Variants in TICRR observed in about 807,000 individuals in gnomAD.
TICRR encodes treslin.
TICRR carries 132 observed loss-of-function variants against 178.1 expected under a neutral mutation model. That is an observed-to-expected ratio of 0.74 (90% CI 0.64 to 0.86). TICRR has a LOEUF of 0.86. TICRR is among the 40% of genes least tolerant of loss of function. The probability of loss-of-function intolerance (pLI) is 0.00; values close to 1 mark genes in which losing one functional copy is unlikely to be tolerated. For missense variants in TICRR, 2,587 were observed against 2,334.3 expected, an observed-to-expected ratio of 1.11 and a Z score of -2.23; for synonymous variants, 991 against 900.7, an observed-to-expected ratio of 1.10 and a Z score of -1.79.
At chr15:89,588,452 G>T (rs1962857299) in intron 4 of TICRR, among the ~76,000 whole-genome samples, 1 of 152,166 alleles carries the variant, frequency 6.6e-6, no homozygotes, top group African/African-American at 2.4e-5. Flanking sequence ...AACAGGAAGA[G>T]ATTACAGGAT....
At chr15:89,612,516 T>C (rs78861523) in intron 15 of TICRR, among the ~76,000 whole-genome samples, 1 of 152,190 alleles carries the variant, frequency 6.6e-6, no homozygotes, top group Non-Finnish European at 1.5e-5. Context: ...GCTATCCCAA[T>C]AGCTACAGCA....
Position 89,624,042 on chromosome 15 carries a change from C to G in TICRR, c.3732C>G (p.Ile1244Met). The change falls in exon 20 of 22, where the codon ATC becomes ATG. Residue 1244 changes from isoleucine to methionine, a missense_variant. Transcript: ENST00000268138. ...CCAGGAGAGAGTGTCTCACTCCCAT[C>G]AGAGACCCTCTCAGAACACCTCCGA... ...AQPRRECLTP[I>M]RDPLRTPPRA... is the part of the protein sequence containing the mutation. 6.2e-7 allele frequency: 1 copy of G among 1,614,076 alleles called. No homozygotes were observed. Among genetic ancestry groups the G allele is most frequent in the Non-Finnish European group, 8.5e-7 (1 of 1,180,026 alleles).
At chr15:89,590,597 A>T (rs536869435) in intron 4 of TICRR, among the ~76,000 whole-genome samples, 4 of 152,202 alleles carry the variant, frequency 2.6e-5, no homozygotes, top group African/African-American at 9.6e-5. Context: ...ACCATGCTCC[A>T]TCTGGGTGAG....
intron 4 of TICRR, among the ~76,000 whole-genome samples, chr15:89,587,047 T>G (rs925742153): frequency 3.9e-5 from 6 of 151,970 alleles, no homozygotes; most frequent in Non-Finnish European, 5.9e-5. Context: ...CAAGAGATGG[T>G]GGGAAATGTA....
intron 1 of TICRR, among the ~76,000 whole-genome samples, chr15:89,580,518 G>A (rs1034675174): frequency 1.3e-5 from 2 of 152,164 alleles, no homozygotes; most frequent in Non-Finnish European, 2.9e-5. Context: ...TACATGGGTG[G>A]TAACATCACA....
At position 89,585,818 on chromosome 15, in the gene TICRR, T is replaced by C; in HGVS notation, c.1287T>C (p.Phe429=). 1 of 1,614,180 alleles carries C rather than the reference T, an allele frequency of 6.2e-7. No homozygotes were observed. The highest frequency in any genetic ancestry group is 8.5e-7 in the Non-Finnish European group (1 of 1,180,030). ...LTVCRTKEAE[F]QRHVLQTAVA... ...TGTGCCGCACCAAGGAGGCTGAATTTCAACGACATGTTCTCCAAACAGCTG... is the reference window on the plus strand; with the variant it reads ...TGTGCCGCACCAAGGAGGCTGAATTCCAACGACATGTTCTCCAAACAGCTG... The change falls in exon 4 of 22, where the codon TTT becomes TTC. Residue 429 remains phenylalanine (F), a synonymous_variant. Coordinates refer to ENST00000268138, the MANE Select transcript of TICRR (RefSeq NM_152259.4).
At chr15:89,577,278 AAAGTCTTAAATGGCT>A in intron 1 of TICRR, among the ~76,000 whole-genome samples, 1 of 151,714 alleles carries the variant, frequency 6.6e-6, no homozygotes, top group Non-Finnish European at 1.5e-5. Context: ...TTGCAAACTT[AAAGTCTTAAATGGCT>A]AATTTGGATT....
intron 13 of TICRR, among the ~76,000 whole-genome samples, chr15:89,605,512 A>ACCACGC (rs1963161841): frequency 6.6e-6 from 1 of 152,078 alleles, no homozygotes. Context: ...GGCGTGCACC[A>ACCACGC]CCACGCCTGG....
rs1340404101 is a variant in TICRR, at chr15:89,616,484, A to G, written c.2949A>G (p.Gln983=). ...KQISKRLLHR[Q]IKGRSSDPGP... is the part of the protein sequence containing the mutation. ...TCTCCAAAAGGCTGCTGCACAGACA[A>G]ATCAAGGGCAGGTGAGTGACATCCC... The change falls in exon 16 of 22, where the codon CAA becomes CAG. Residue 983 remains glutamine, a synonymous_variant. Coordinates refer to ENST00000268138, the MANE Select transcript of TICRR (RefSeq NM_152259.4). 1 of 1,613,760 alleles carries G rather than the reference A, an allele frequency of 6.2e-7. No homozygotes were observed. Among genetic ancestry groups the G allele is most frequent in the Non-Finnish European group, 8.5e-7 (1 of 1,179,844 alleles).
At chr15:89,577,086 A>G (rs1368383048) in intron 1 of TICRR, among the ~76,000 whole-genome samples, 1 of 151,502 alleles carries the variant, frequency 6.6e-6, no homozygotes, top group East Asian at 1.9e-4. Flanking sequence ...AGTGGAGACC[A>G]GGTTCCATGC....
In TICRR at chr15:89,599,409, A is replaced by C. The variant is rs750564968; in HGVS notation, c.1986A>C (p.Ala662=). The change falls in exon 8 of 22, where the codon GCA becomes GCC. Residue 662 remains alanine (A), a synonymous_variant. Coordinates refer to ENST00000268138, the MANE Select transcript of TICRR (RefSeq NM_152259.4). ...TVATGEIMLY[A]CARNMISTVK... ...CCACAGGAGAAATCATGTTGTATGC[A>C]TGTGCTCGAAACATGATCTCAACCG... The C allele has an allele frequency of 6.2e-7, 1 of 1,613,814 alleles. No individual in the cohort carries two copies. Among genetic ancestry groups the C allele is most frequent in the Non-Finnish European group, 8.5e-7 (1 of 1,179,962 alleles).
intron 4 of TICRR, 28 bp downstream of exon 4, chr15:89,585,970 A>C: frequency 6.3e-7 from 1 of 1,586,104 alleles, no homozygotes; most frequent in Non-Finnish European, 8.7e-7. Flanking sequence ...TAACTAACAG[A>C]GTCTAGGGTG....
Position 89,576,143 on chromosome 15 carries a change from A to G in TICRR, c.557A>G (p.Lys186Arg). Residue 186 changes from lysine (K) to arginine (R), a missense_variant, in exon 1 of 22, where the codon AAG becomes AGG. By Grantham distance (26) the Lys-to-Arg change is conservative. Transcript: ENST00000268138. Reference protein sequence around the residue: ...AQAQRLPPTPKQVMEKLLPKR... With the variant: ...AQAQRLPPTPRQVMEKLLPKR... ...GCCCAGCGCCTGCCGCCCACCCCTA[A>G]GCAGGTGATGGAGAAGTTGTTGCCC... is the stretch of plus-strand genomic sequence containing the variant. 6.2e-7 allele frequency: 1 copy of G among 1,608,012 alleles called. No individual in the cohort carries two copies. Among genetic ancestry groups the G allele is most frequent in the Non-Finnish European group, 8.5e-7 (1 of 1,179,992 alleles).
Position 89,624,626 on chromosome 15 carries a change from G to A in TICRR, c.4316G>A (p.Gly1439Asp), listed in dbSNP as rs2141984985. The A allele has an allele frequency of 6.2e-7, 1 of 1,613,980 alleles. No individual in the cohort carries two copies. The highest frequency in any genetic ancestry group is 8.5e-7 in the Non-Finnish European group (1 of 1,180,024). ...CCTCAGTCTCCTCCTGAAAGACGGG[G>A]CTACCCAGGCCCTGGTCTCAGGAGT... Reference protein sequence around the residue: ...LSPQSPPERRGYPGPGLRSDW... With the variant: ...LSPQSPPERRDYPGPGLRSDW... Residue 1439 changes from glycine to aspartate, a missense_variant, in exon 20 of 22, where the codon GGC becomes GAC. Gly to Asp is a moderately conservative substitution (Grantham distance 94). Transcript: ENST00000268138.
chr15:89,592,310 T>G, intron 5 of TICRR, 134 bp downstream of exon 5: 2 of 640,768 alleles, frequency 3.1e-6, no homozygotes, highest in Non-Finnish European at 5.0e-6. Context: ...AATAAAATAC[T>G]CTCATACTTA....
chr15:89,589,394 C>G (rs1017063009), intron 4 of TICRR, among the ~76,000 whole-genome samples: 2 of 152,160 alleles, frequency 1.3e-5, no homozygotes, highest in African/African-American at 4.8e-5. Context: ...GCATCTAACT[C>G]CGAGGGCCTA....
chr15:89,584,308 A>G lies in TICRR; in HGVS notation c.957A>G (p.Thr319=), dbSNP rs372964547. 2.9e-5 allele frequency: 46 copies of G among 1,612,214 alleles called. No homozygotes were observed. The highest frequency in any genetic ancestry group is 3.7e-5 in the Non-Finnish European group (44 of 1,179,108). The change falls in exon 3 of 22, where the codon ACA becomes ACG. Residue 319 remains threonine (T), a synonymous_variant. Coordinates refer to ENST00000268138, the MANE Select transcript of TICRR (RefSeq NM_152259.4). ...TAGCAGGCAAAGAGATTCAAGAAAC[A>G]TGGACAGTCACCCTAGAGCCCTTGG... The part of the protein sequence containing the change: ...PVEAGKEIQE[T]WTVTLEPLAM...
At chr15:89,616,915 T>C (rs1963344671) in intron 16 of TICRR, among the ~76,000 whole-genome samples, 2 of 152,214 alleles carry the variant, frequency 1.3e-5, no homozygotes, top group South Asian at 4.1e-4. Context: ...GTCTGAAAGT[T>C]TTCTGTCTTG....
intron 12 of TICRR, 86 bp from the exon 13 acceptor site, chr15:89,602,705 ATATTT>A: frequency 1.7e-6 from 1 of 594,958 alleles, no homozygotes; most frequent in Non-Finnish European, 2.5e-6. Flanking sequence ...TATTTAAATC[ATATTT>A]TATTTTACTT....
Sources: gnomAD v4.1 joint callset for allele counts (sites outside exome capture counted in the v4.1 genomes callset) on GRCh38, gnomAD v4.1.1 for gene constraint, MANE v1.5 for transcripts, NCBI Gene and HGNC (gene_info 2026-07-23, HGNC 2026-07-21) for gene names.